The following NLRC5 variants were observed in gnomAD, a reference collection of about 807,000 sequenced individuals.
NLRC5 encodes protein NLRC5.
NLRC5 carries 114 observed loss-of-function variants against 206.9 expected under a neutral mutation model. That is an observed-to-expected ratio of 0.55 (90% CI 0.47 to 0.64). The LOEUF is 0.64. NLRC5 is among the 30% of genes least tolerant of loss of function. The pLI, the probability that NLRC5 is intolerant of heterozygous loss-of-function variation, is 0.00. For missense variants in NLRC5, 2,008 were observed against 2,305.5 expected (o/e 0.87, Z 2.64); for synonymous variants, 952 against 962.8 (o/e 0.99, Z 0.21).
At chr16:56,991,405 G>A (rs1407038391) in intron 1 of NLRC5, among the ~76,000 whole-genome samples, 3 of 116,920 alleles carry the variant, frequency 2.6e-5, no homozygotes, top group East Asian at 2.9e-4. Context: ...TTTTTTTGAC[G>A]AAGTCTCACT....
chr16:57,022,668 C>G (rs1027074104), intron 4 of NLRC5, among the ~76,000 whole-genome samples: 1 of 152,220 alleles, frequency 6.6e-6, no homozygotes, highest in Non-Finnish European at 1.5e-5. Context: ...CTAACCACCC[C>G]CTCCCGACTT....
chr16:56,993,130 TATACAC>T (rs1370721411), intron 1 of NLRC5, among the ~76,000 whole-genome samples: 39 of 143,470 alleles, frequency 2.7e-4, no homozygotes, highest in South Asian at 1.8e-3. Context: ...TGTATATATA[TATACAC>T]ACACACACAC....
intron 16 of NLRC5, 148 bp from the exon 17 acceptor site, chr16:57,040,502 C>A: frequency 4.3e-6 from 3 of 691,492 alleles, no homozygotes; most frequent in Non-Finnish European, 5.2e-6. Context: ...GTCACACAAC[C>A]AGGAAGTGGA....
intron 30 of NLRC5, among the ~76,000 whole-genome samples, chr16:57,060,953 C>G (rs2066395491): frequency 6.6e-6 from 1 of 152,212 alleles, no homozygotes. Context: ...CGGAGAATCC[C>G]AGGCACACCT....
At chr16:56,998,087 T>G (rs879210407) in intron 1 of NLRC5, among the ~76,000 whole-genome samples, 1 of 152,060 alleles carries the variant, frequency 6.6e-6, no homozygotes, top group African/African-American at 2.4e-5. Flanking sequence ...GCCCCAGTTT[T>G]ATGGGTTTGG....
chr16:57,055,556 G>C, intron 27 of NLRC5, 37 bp downstream of exon 27: 3 of 1,558,100 alleles, frequency 1.9e-6, no homozygotes, highest in Non-Finnish European at 2.7e-6. Context: ...GAGGAGCATG[G>C]ACGCATGCCT....
chr16:57,016,719 C>T (rs1298067169), intron 1 of NLRC5, among the ~76,000 whole-genome samples: 2 of 152,202 alleles, frequency 1.3e-5, no homozygotes, highest in Non-Finnish European at 2.9e-5. Context: ...AGGATTATTT[C>T]ATTTTCATCT....
At chr16:57,040,103 T>C (rs1374381537) in intron 16 of NLRC5, among the ~76,000 whole-genome samples, 1 of 151,822 alleles carries the variant, frequency 6.6e-6, no homozygotes, top group Non-Finnish European at 1.5e-5. Context: ...AGGGCAGGAG[T>C]TGGGTAGCCA....
Position 57,031,416 on chromosome 16 carries a change from C to T in NLRC5, c.2430C>T (p.Leu810=). 2 of 1,613,828 alleles carry T rather than the reference C, an allele frequency of 1.2e-6. No individual in the cohort carries two copies. Among genetic ancestry groups the T allele is most frequent in the Non-Finnish European group, 1.7e-6 (2 of 1,179,946 alleles). ...TCTGATCCTGCAGGGAGGCGGACCT[C>T]ATCTTCCTTCTTTCCCCGCCCACAG... ...VRMLQAREAD[L]IFLLSPPTET... The change falls in exon 11 of 49, where the codon CTC becomes CTT. Residue 810 remains leucine (L), a synonymous_variant. Coordinates refer to ENST00000688547, the MANE Select transcript of NLRC5 (RefSeq NM_001384950.1).
rs199475967 is a variant in NLRC5 at position 57,023,663 on chromosome 16, C to T, written c.356-122C>T. On this transcript the variant is annotated intron_variant, in intron 4 of 48. Transcript: ENST00000688547. ...CTGCTGCCTGCCTTTCCAGTCCCTG[C>T]ATGTGGGTGTACTTGGCTGCCTGCC... 5.1e-4 allele frequency: 357 copies of T among 706,332 alleles called. 2 individuals are homozygous for T. In the African/African-American group the frequency reaches 5.6e-3, roughly 11 times the overall value. 43.8% of individuals were successfully genotyped at this position (706,332 alleles called of 1,614,324 possible). A position where few individuals can be genotyped will look rare whatever the true frequency, so the allele number is the denominator to read the frequency against.
chr16:57,068,940 TTTAGAG>T (rs1479365543), intron 36 of NLRC5, among the ~76,000 whole-genome samples: 2 of 152,214 alleles, frequency 1.3e-5, no homozygotes, highest in Admixed American at 6.5e-5. Context: ...TTTCCTCATG[TTTAGAG>T]TTAGAGTCTG....
At chr16:57,063,534 G>A (rs1458052025) in intron 32 of NLRC5, among the ~76,000 whole-genome samples, 1 of 152,064 alleles carries the variant, frequency 6.6e-6, no homozygotes. Context: ...GACAGTCCCT[G>A]CTTTCTTTTT....
intron 2 of NLRC5, among the ~76,000 whole-genome samples, chr16:57,019,436 T>C (rs2142894114): frequency 6.6e-6 from 1 of 152,296 alleles, no homozygotes; most frequent in Non-Finnish European, 1.5e-5. Context: ...AAGAATTTGC[T>C]TAGCAAAAGA....
chr16:56,991,210 A>G (rs1478081604), intron 1 of NLRC5: 3 of 152,110 alleles, frequency 2.0e-5, no homozygotes, highest in Non-Finnish European at 2.9e-5. Flanking sequence ...CAGAGGGGAA[A>G]GATCTTGGAA....
chr16:56,999,638 A>G (rs2058027680), intron 1 of NLRC5, among the ~76,000 whole-genome samples: 2 of 152,254 alleles, frequency 1.3e-5, no homozygotes, highest in African/African-American at 4.8e-5. Flanking sequence ...TTGGGGCACG[A>G]GGTGCCAAGA....
chr16:57,023,618 G>A (rs1241708296), intron 4 of NLRC5, among the ~76,000 whole-genome samples, 167 bp from the exon 5 acceptor site: 1 of 152,182 alleles, frequency 6.6e-6, no homozygotes, highest in African/African-American at 2.4e-5. Context: ...AATAGAAGCT[G>A]GTGTTGACCC....
intron 37 of NLRC5, 124 bp from the exon 38 acceptor site, chr16:57,070,411 C>T: frequency 5.1e-6 from 4 of 777,868 alleles, no homozygotes; most frequent in Non-Finnish European, 8.7e-6. Context: ...GAGGGTGGCC[C>T]AGGGCATGCA....
At chr16:57,014,626 G>GT (rs1444538693) in intron 1 of NLRC5, among the ~76,000 whole-genome samples, 1 of 152,166 alleles carries the variant, frequency 6.6e-6, no homozygotes, top group African/African-American at 2.4e-5. Flanking sequence ...AAGTGCTGTT[G>GT]TTTTTTATCT....
chr16:57,023,799 C>T lies in NLRC5; in HGVS notation c.370C>T (p.His124Tyr), dbSNP rs368006669. 2 of 1,612,074 alleles carry T rather than the reference C, an allele frequency of 1.2e-6. No individual in the cohort carries two copies. Among genetic ancestry groups the T allele is most frequent in the African/African-American group, 2.7e-5 (2 of 74,924 alleles). The change falls in exon 5 of 49, where the codon CAT becomes TAT. Residue 124 changes from histidine (H) to tyrosine (Y), a missense_variant. By Grantham distance (83) the His-to-Tyr change is moderately conservative (BLOSUM62 2). Transcript: ENST00000688547. Reference protein sequence around the residue: ...SQLHHGLKRPHQSCGSSPRRK... With the variant: ...SQLHHGLKRPYQSCGSSPRRK... ...TGCTTTTTCAGGCCTGAAGCGCCCA[C>T]ATCAGAGCTGTGGGTCCTCACCCCG...
Sources: gnomAD v4.1 joint callset for allele counts (sites outside exome capture counted in the v4.1 genomes callset) on GRCh38, gnomAD v4.1.1 for gene constraint, MANE v1.5 for transcripts, NCBI Gene and HGNC (gene_info 2026-07-23, HGNC 2026-07-21) for gene names.